The following PPEF1 variants were observed in gnomAD, a reference collection of about 807,000 sequenced individuals.
The protein encoded by PPEF1 is serine/threonine-protein phosphatase with EF-hands 1.
PPEF1 carries 12 observed loss-of-function variants against 53.3 expected under a neutral mutation model. That is an observed-to-expected ratio of 0.23 (90% confidence interval 0.14 to 0.36). The LOEUF is 0.36. PPEF1 is among the 10% of genes least tolerant of loss of function. The pLI, the probability that PPEF1 is intolerant of heterozygous loss-of-function variation, is 1.00. For missense variants in PPEF1, 334 were observed against 490.4 expected, an observed-to-expected ratio of 0.68 and a Z score of 3.01; for synonymous variants, 165 against 176.7, an observed-to-expected ratio of 0.93 and a Z score of 0.52.
chrX:18,772,098 G>A (rs945357581), intron 6 of PPEF1, among the ~76,000 whole-genome samples: 5 of 111,726 alleles, frequency 4.5e-5, no homozygotes, highest in South Asian at 7.5e-4. Flanking sequence ...GCAGTGAGCC[G>A]AGATTGCATC....
chrX:18,688,542 C>G (rs1165386601), intron 3 of PPEF1: 1 of 112,558 alleles, frequency 8.9e-6, no homozygotes, highest in Non-Finnish European at 1.9e-5. Context: ...GAATTGACAG[C>G]CCACTTCACT....
chrX:18,816,206 C>T (rs1015390164), intron 12 of PPEF1, among the ~76,000 whole-genome samples: 4 of 111,560 alleles, frequency 3.6e-5, no homozygotes, highest in African/African-American at 1.3e-4. Context: ...CATTTTCACT[C>T]ATCTTAAAAG....
chrX:18,773,737 A>G (rs1376269211), intron 6 of PPEF1, among the ~76,000 whole-genome samples: 1 of 111,839 alleles, frequency 8.9e-6, no homozygotes, highest in East Asian at 2.8e-4. Context: ...TGTATTTCTC[A>G]AATAGCTATA....
chrX:18,822,353 CAA>C (rs397895822), intron 13 of PPEF1, among the ~76,000 whole-genome samples: 3,254 of 59,636 alleles, frequency 0.055, 124 homozygotes, highest in African/African-American at 0.18. Flanking sequence ...ACAAAATGTG[CAA>C]AAAAAAAAAA....
At chrX:18,788,945 T>G (rs180950534) in intron 9 of PPEF1, among the ~76,000 whole-genome samples, 176 bp from the exon 10 acceptor site, 1 of 112,680 alleles carries the variant, frequency 8.9e-6, no homozygotes, top group African/African-American at 3.2e-5. Context: ...CAGACCCACT[T>G]TACAGACATC....
chrX:18,824,075 C>A lies in PPEF1; in HGVS notation c.1654C>A (p.Pro552Thr), dbSNP rs1230393383. 1 of 1,196,325 alleles carries A rather than the reference C, an allele frequency of 8.4e-7. No individual in the cohort carries two copies. Among genetic ancestry groups the A allele is most frequent in the African/African-American group, 1.7e-5 (1 of 57,541 alleles). Residue 552 changes from proline to threonine, a missense_variant, in exon 14 of 16, where the codon CCT (proline) becomes ACT (threonine). By Grantham distance (38) the Pro-to-Thr change is conservative. Coordinates refer to ENST00000470157, the MANE Select transcript of PPEF1 (RefSeq NM_001377996.1). ...SSFQNIRIEK[P>T]VQEAHSTLVE... is the part of the protein sequence containing the mutation. The stretch of plus-strand genomic sequence containing the variant: ...CTTCCAGAATATCCGCATTGAAAAA[C>A]CTGTACAAGAGGCAAGTGAAACATA...
intron 6 of PPEF1, among the ~76,000 whole-genome samples, chrX:18,764,859 G>A (rs5909232): frequency 0.45 from 49,623 of 110,491 alleles, 8,510 homozygotes; most frequent in Non-Finnish European, 0.54. Context: ...TATTTCGTAT[G>A]AAAGTGCGAT....
chrX:18,827,153 C>A, intron 15 of PPEF1, 123 bp from the exon 16 acceptor site: 1 of 521,332 alleles, frequency 1.9e-6, no homozygotes, highest in Non-Finnish European at 3.2e-6. Flanking sequence ...CCTTCAGTAT[C>A]TTCATGATTA....
At chrX:18,793,214 A>G (rs1484447905) in intron 10 of PPEF1, among the ~76,000 whole-genome samples, 3 of 109,805 alleles carry the variant, frequency 2.7e-5, no homozygotes, top group Non-Finnish European at 5.7e-5. Context: ...ATGTTATTAA[A>G]CAATTGCTGC....
chrX:18,812,435 ACTT>A (rs1269833860), intron 12 of PPEF1, among the ~76,000 whole-genome samples: 1 of 112,225 alleles, frequency 8.9e-6, no homozygotes, highest in Non-Finnish European at 1.9e-5. Context: ...TGAACGTTGC[ACTT>A]CTTTTTAAAG....
chrX:18,827,314 C>T lies in PPEF1; in HGVS notation c.1789C>T (p.Leu597Phe). 8.3e-7 allele frequency: 1 copy of T among 1,210,063 alleles called. No homozygotes were observed. The highest frequency in any genetic ancestry group is 1.1e-6 in the Non-Finnish European group (1 of 894,209). ...GGAAGAATTTCGTGCCATGTGGAAA[C>T]TTTTTAGTTCTCACTACAATGTTCA... The part of the protein sequence containing the change: ...SVEEFRAMWK[L>F]FSSHYNVHID... The change falls in exon 16 of 16, where the codon CTT becomes TTT. Residue 597 changes from leucine to phenylalanine, a missense_variant. Coordinates refer to ENST00000470157, the MANE Select transcript of PPEF1 (RefSeq NM_001377996.1).
chrX:18,772,532 G>A (rs930488513), intron 6 of PPEF1, among the ~76,000 whole-genome samples: 7 of 111,764 alleles, frequency 6.3e-5, no homozygotes. Flanking sequence ...GAGTTAGGGA[G>A]GATTCCCTCT....
chrX:18,776,906 G>A (rs1395104873), intron 6 of PPEF1, among the ~76,000 whole-genome samples: 5 of 111,429 alleles, frequency 4.5e-5, no homozygotes, highest in African/African-American at 1.6e-4. Flanking sequence ...GGCAACAAGA[G>A]CGAAACTCCA....
chrX:18,822,790 G>T (rs188755700), intron 13 of PPEF1, among the ~76,000 whole-genome samples: 2 of 111,603 alleles, frequency 1.8e-5, no homozygotes, highest in East Asian at 5.6e-4. Context: ...TATAAGGGTT[G>T]AAGTTGTCAA....
intron 4 of PPEF1, among the ~76,000 whole-genome samples, chrX:18,695,358 A>T (rs1419774321): frequency 1.8e-5 from 2 of 112,934 alleles, no homozygotes; most frequent in African/African-American, 6.4e-5. Flanking sequence ...TAACCTAGTC[A>T]TAGAAGTGAC....
At chrX:18,777,417 A>G (rs1390932055) in intron 6 of PPEF1, among the ~76,000 whole-genome samples, 1 of 113,194 alleles carries the variant, frequency 8.8e-6, no homozygotes, top group African/African-American at 3.2e-5. Context: ...CAAAAGAGGA[A>G]TTTGAAAATC....
At chrX:18,749,300 C>T (rs1218451296) in intron 3 of PPEF1, among the ~76,000 whole-genome samples, 1 of 112,320 alleles carries the variant, frequency 8.9e-6, no homozygotes, top group Non-Finnish European at 1.9e-5. Context: ...AAAAACAAAT[C>T]CGTTACAGCT....
chrX:18,738,766 T>A (rs79073022), intron 3 of PPEF1, among the ~76,000 whole-genome samples: 38 of 102,638 alleles, frequency 3.7e-4, no homozygotes, highest in South Asian at 4.3e-4. Context: ...GGTACACCAA[T>A]CAGATGCAGA....
intron 15 of PPEF1, 83 bp downstream of exon 15, chrX:18,825,918 T>C (rs2047157176): frequency 3.1e-6 from 2 of 644,507 alleles, no homozygotes; most frequent in South Asian, 3.6e-5. Context: ...TACACTTTGA[T>C]TGAGCCCTAT....
Sources: gnomAD v4.1 joint callset for allele counts (sites outside exome capture counted in the v4.1 genomes callset) on GRCh38, gnomAD v4.1.1 for gene constraint, MANE v1.5 for transcripts, NCBI Gene and HGNC (gene_info 2026-07-23, HGNC 2026-07-21) for gene names.